The following KCNIP1 variants were observed in gnomAD, a reference collection of about 807,000 sequenced individuals.
The protein encoded by KCNIP1 is potassium voltage-gated channel interacting protein 1.
KCNIP1 carries 18 observed loss-of-function variants against 33.0 expected under a neutral mutation model. That is an observed-to-expected ratio of 0.55 (90% CI 0.38 to 0.81). The LOEUF (loss-of-function observed/expected upper bound fraction) is 0.81, where lower values mean the gene tolerates loss of function less well. KCNIP1 is among the 30% of genes least tolerant of loss of function. The pLI is 0.00. For missense variants in KCNIP1, 238 were observed against 271.6 expected, an observed-to-expected ratio of 0.88 and a Z score of 0.87; for synonymous variants, 93 against 98.3, an observed-to-expected ratio of 0.95 and a Z score of 0.32.
intron 1 of KCNIP1, among the ~76,000 whole-genome samples, chr5:170,497,905 C>T (rs1270358976): frequency 1.3e-5 from 2 of 152,228 alleles, no homozygotes; most frequent in East Asian, 1.9e-4. Context: ...AGCGCAGAAG[C>T]GTGCAGGGGG....
chr5:170,444,092 C>T (rs1581198172), intron 1 of KCNIP1, among the ~76,000 whole-genome samples: 1 of 152,350 alleles, frequency 6.6e-6, no homozygotes, highest in East Asian at 1.9e-4. Context: ...TCAGTATTAG[C>T]TTCCTATTGC....
At chr5:170,518,096 T>G (rs1755217917) in intron 1 of KCNIP1, among the ~76,000 whole-genome samples, 1 of 150,494 alleles carries the variant, frequency 6.6e-6, no homozygotes, top group South Asian at 2.1e-4. Flanking sequence ...GTGGTAGTGA[T>G]AGTTGTGATG....
intron 1 of KCNIP1, among the ~76,000 whole-genome samples, chr5:170,456,701 T>TTTTCTTTTTCTTTCTTTCTTTC (rs1554093875): frequency 1.8e-4 from 25 of 135,678 alleles, no homozygotes; most frequent in Non-Finnish European, 3.6e-4. Context: ...CTCTCTCTCT[T>TTTTCTTTTTCTTTCTTTCTTTC]TTTCTTTCTT....
chr5:170,497,352 A>G (rs548584367), intron 1 of KCNIP1, among the ~76,000 whole-genome samples: 5 of 152,202 alleles, frequency 3.3e-5, no homozygotes, highest in Non-Finnish European at 7.3e-5. Flanking sequence ...TATTTTATAG[A>G]TGTTGAAACT....
At chr5:170,593,266 T>C (rs780488627) in intron 1 of KCNIP1, among the ~76,000 whole-genome samples, 7 of 152,206 alleles carry the variant, frequency 4.6e-5, no homozygotes, top group African/African-American at 1.2e-4. Context: ...ATCTGGCTTC[T>C]ACCTGCCAAC....
At chr5:170,536,621 A>G (rs562432540) in intron 1 of KCNIP1, among the ~76,000 whole-genome samples, 7 of 152,102 alleles carry the variant, frequency 4.6e-5, no homozygotes, top group Non-Finnish European at 4.4e-5. Context: ...GAGGGGAGGG[A>G]AGAGGCTACA....
chr5:170,605,673 G>A (rs1031680258), intron 1 of KCNIP1, among the ~76,000 whole-genome samples: 4 of 151,866 alleles, frequency 2.6e-5, no homozygotes, highest in Non-Finnish European at 4.4e-5. Context: ...TAAAGGCATC[G>A]TGCAATATGT....
At chr5:170,637,155 C>G (rs559262819) in intron 1 of KCNIP1, among the ~76,000 whole-genome samples, 1 of 152,102 alleles carries the variant, frequency 6.6e-6, no homozygotes, top group Non-Finnish European at 1.5e-5. Context: ...ATATGTGAAC[C>G]AAGGGGGATG....
intron 1 of KCNIP1, among the ~76,000 whole-genome samples, chr5:170,472,595 C>G (rs547040195): frequency 5.9e-4 from 83 of 140,100 alleles, no homozygotes; most frequent in Non-Finnish European, 1.0e-3. Flanking sequence ...ACCCTCCCCC[C>G]CAAGTCCCCA....
chr5:170,648,841 CT>C (rs1306231228), intron 1 of KCNIP1, among the ~76,000 whole-genome samples: 4 of 152,242 alleles, frequency 2.6e-5, no homozygotes, highest in Non-Finnish European at 4.4e-5. Flanking sequence ...GTGGGGGAAG[CT>C]GTGCATGTGC....
At chr5:170,507,987 C>T (rs945620299) in intron 1 of KCNIP1, among the ~76,000 whole-genome samples, 2 of 152,206 alleles carry the variant, frequency 1.3e-5, no homozygotes, top group East Asian at 1.9e-4. Context: ...AAGGACACTG[C>T]TCCTGGCCTT....
chr5:170,734,930 C>G (rs6879997), intron 7 of KCNIP1, among the ~76,000 whole-genome samples: 91,663 of 152,074 alleles, frequency 0.6, 28,443 homozygotes, highest in East Asian at 0.86. Context: ...TTCCCCACCT[C>G]CAACCTTGAT....
intron 1 of KCNIP1, among the ~76,000 whole-genome samples, chr5:170,365,728 T>C (rs68159219): frequency 0.21 from 32,299 of 152,178 alleles, 4,129 homozygotes; most frequent in African/African-American, 0.37. Context: ...CACTGGATGC[T>C]GAATCCATTA....
At chr5:170,629,796 T>C (rs918585098) in intron 1 of KCNIP1, among the ~76,000 whole-genome samples, 3 of 152,156 alleles carry the variant, frequency 2.0e-5, no homozygotes, top group Non-Finnish European at 4.4e-5. Context: ...TGCCCAGACA[T>C]ATGAGTGAAA....
At chr5:170,705,188 C>T (rs1236700116) in intron 1 of KCNIP1, among the ~76,000 whole-genome samples, 1 of 152,164 alleles carries the variant, frequency 6.6e-6, no homozygotes, top group East Asian at 1.9e-4. Flanking sequence ...AGGAAACAAT[C>T]AAAGCTGAAT....
At chr5:170,377,142 C>G (rs900597670) in intron 1 of KCNIP1, 1 of 152,296 alleles carries the variant, frequency 6.6e-6, no homozygotes. Context: ...CTGGCCCTGC[C>G]GAATGGTCAC....
rs752673681 is a variant in KCNIP1 at position 170,718,741 on chromosome 5, A to G, written c.62-17A>G. 7 of 1,613,372 alleles carry G rather than the reference A, an allele frequency of 4.3e-6. No homozygotes were observed. Among genetic ancestry groups the G allele is most frequent in the African/African-American group, 4.0e-5 (3 of 74,844 alleles). ...TCCCAAGCTCAACCATTCCAATGCC[A>G]TCTCCTCTGGTTCCAGATAAGATTG... On this transcript the variant is annotated splice_polypyrimidine_tract_variant and intron_variant, in intron 1 of 7. Coordinates refer to ENST00000328939, the MANE Select transcript of KCNIP1 (RefSeq NM_014592.4).
rs140864652 is a variant in KCNIP1, at chr5:170,354,555, A to G, written c.88+591A>G. Among the ~76,000 whole-genome samples the G allele has an allele frequency of 2.0e-4, 31 of 152,260 alleles. No individual in the cohort carries two copies. In the East Asian group the frequency reaches 5.8e-3, roughly 29 times the overall value. On this transcript the variant is annotated intron_variant, in intron 1 of 7. Coordinates refer to the KCNIP1 transcript ENST00000377360. ...TTGGATCCCTGTCCCTCCACATTTC[A>G]TGCCTATGTCCATGCCTGTCTTTTC...
intron 1 of KCNIP1, chr5:170,669,532 T>C: frequency 1.0e-6 from 1 of 985,216 alleles, no homozygotes; most frequent in Non-Finnish European, 1.2e-6. Flanking sequence ...AAAGGACAGA[T>C]GGATGGATGG....
Sources: allele counts gnomAD v4.1 joint callset (sites outside exome capture counted in the v4.1 genomes callset), GRCh38; gene constraint gnomAD v4.1.1; transcripts MANE v1.5; gene names NCBI Gene and HGNC (gene_info 2026-07-23, HGNC 2026-07-21).